ZNF804A: variants seen among roughly 807,000 people sequenced by gnomAD.
The protein encoded by ZNF804A is zinc finger protein 804A.
A neutral mutation model predicts 16.5 loss-of-function variants in ZNF804A; 2 were observed. The ratio of observed to expected loss-of-function variants is 0.12; its 90% confidence interval spans 0.05 to 0.38. The LOEUF (loss-of-function observed/expected upper bound fraction) is 0.38. ZNF804A is among the 10% of genes least tolerant of loss of function. The pLI, the probability that ZNF804A is intolerant of heterozygous loss-of-function variation, is 0.99. For missense variants in ZNF804A, 1,473 were observed against 1,390.7 expected (o/e 1.06, Z -0.94); for synonymous variants, 534 against 489.6 (o/e 1.09, Z -1.20).
chr2:184,805,350 A>G (rs1390372695), intron 1 of ZNF804A, among the ~76,000 whole-genome samples: 1 of 152,122 alleles, frequency 6.6e-6, no homozygotes, highest in Admixed American at 6.5e-5. Context: ...TTAACTTACA[A>G]ATGATATAAT....
intron 2 of ZNF804A, among the ~76,000 whole-genome samples, chr2:184,870,313 T>C (rs543550401): frequency 6.6e-6 from 1 of 152,158 alleles, no homozygotes; most frequent in Non-Finnish European, 1.5e-5. Flanking sequence ...TAGTGGTTAC[T>C]TCAAGGGGTG....
intron 1 of ZNF804A, among the ~76,000 whole-genome samples, chr2:184,756,875 T>G (rs1693966864): frequency 6.6e-6 from 1 of 152,090 alleles, no homozygotes; most frequent in Admixed American, 6.6e-5. Context: ...ACTGATATGT[T>G]GAACACACCA....
chr2:184,891,760 CA>C (rs1384304588), intron 2 of ZNF804A, among the ~76,000 whole-genome samples: 2 of 152,062 alleles, frequency 1.3e-5, no homozygotes, highest in African/African-American at 4.8e-5. Flanking sequence ...TAACAATCGA[CA>C]AAGAATTAAC....
At chr2:184,629,489 T>C (rs1040169147) in intron 1 of ZNF804A, among the ~76,000 whole-genome samples, 2 of 152,274 alleles carry the variant, frequency 1.3e-5, no homozygotes, top group African/African-American at 4.8e-5. Flanking sequence ...TGTAATAAAC[T>C]AGATAGATGA....
chr2:184,860,833 G>A (rs763347817), intron 1 of ZNF804A, among the ~76,000 whole-genome samples: 2 of 152,202 alleles, frequency 1.3e-5, no homozygotes, highest in African/African-American at 2.4e-5. Flanking sequence ...AGCTGATGAA[G>A]GCCTAAAGCC....
At chr2:184,825,498 G>A (rs961884633) in intron 1 of ZNF804A, among the ~76,000 whole-genome samples, 2 of 151,826 alleles carry the variant, frequency 1.3e-5, no homozygotes, top group African/African-American at 2.4e-5. Flanking sequence ...GTGTGTGCAT[G>A]TGTGTGTGTG....
intron 1 of ZNF804A, among the ~76,000 whole-genome samples, chr2:184,745,027 GTT>G (rs1199520837): frequency 1.3e-5 from 2 of 151,662 alleles, no homozygotes; most frequent in African/African-American, 2.4e-5. Flanking sequence ...CTATTCAGTG[GTT>G]AAAAGTGCCT....
intron 1 of ZNF804A, among the ~76,000 whole-genome samples, chr2:184,648,357 A>G (rs1336157370): frequency 6.6e-6 from 1 of 152,156 alleles, no homozygotes; most frequent in Non-Finnish European, 1.5e-5. Context: ...CGCAATAGAA[A>G]CTCAAGACCA....
intron 1 of ZNF804A, among the ~76,000 whole-genome samples, chr2:184,795,701 A>T (rs1318431362): frequency 6.6e-6 from 1 of 152,124 alleles, no homozygotes; most frequent in Non-Finnish European, 1.5e-5. Context: ...AAGAAGAGAG[A>T]AAATCCAAAT....
intron 1 of ZNF804A, among the ~76,000 whole-genome samples, chr2:184,653,294 T>C (rs1006664759): frequency 6.6e-6 from 1 of 152,204 alleles, no homozygotes; most frequent in Non-Finnish European, 1.5e-5. Flanking sequence ...AAAACTTAAA[T>C]GTCTACATTT....
chr2:184,840,299 G>A (rs28624707), intron 1 of ZNF804A, among the ~76,000 whole-genome samples: 1,941 of 152,160 alleles, frequency 0.013, 42 homozygotes, highest in African/African-American at 0.045. Flanking sequence ...CAGAAGAATC[G>A]CTTGAACCTG....
intron 1 of ZNF804A, among the ~76,000 whole-genome samples, chr2:184,845,100 G>T (rs1204552560): frequency 1.3e-5 from 2 of 151,664 alleles, no homozygotes; most frequent in Non-Finnish European, 2.9e-5. Flanking sequence ...TATATAACTT[G>T]TGTATTCTTG....
At chr2:184,912,059 A>G (rs1378281134) in intron 2 of ZNF804A, among the ~76,000 whole-genome samples, 2 of 151,990 alleles carry the variant, frequency 1.3e-5, no homozygotes, top group Non-Finnish European at 2.9e-5. Context: ...AATCAGCGAC[A>G]GTACATTTAC....
chr2:184,816,483 A>C (rs1694985203), intron 1 of ZNF804A, among the ~76,000 whole-genome samples: 1 of 151,972 alleles, frequency 6.6e-6, no homozygotes, highest in Non-Finnish European at 1.5e-5. Flanking sequence ...GAAAGTTCTA[A>C]CTCTTAAGCT....
At chr2:184,809,761 T>C (rs1298207605) in intron 1 of ZNF804A, among the ~76,000 whole-genome samples, 1 of 152,028 alleles carries the variant, frequency 6.6e-6, no homozygotes, top group East Asian at 1.9e-4. Context: ...TATGTATTTA[T>C]ATGTGTATAT....
chr2:184,715,256 A>C (rs983063215), intron 1 of ZNF804A, among the ~76,000 whole-genome samples: 1 of 152,204 alleles, frequency 6.6e-6, no homozygotes, highest in East Asian at 1.9e-4. Flanking sequence ...TGACACAGAC[A>C]TAAGTTATTG....
chr2:184,814,906 AT>A (rs1178795956), intron 1 of ZNF804A, among the ~76,000 whole-genome samples: 1 of 152,020 alleles, frequency 6.6e-6, no homozygotes, highest in African/African-American at 2.4e-5. Flanking sequence ...AGGGCCTGAC[AT>A]TTTTAAATAC....
At chr2:184,894,108 T>C (rs1407493116) in intron 2 of ZNF804A, among the ~76,000 whole-genome samples, 1 of 152,178 alleles carries the variant, frequency 6.6e-6, no homozygotes, top group African/African-American at 2.4e-5. Context: ...CATGTTTTGA[T>C]ATTAACAAGG....
intron 1 of ZNF804A, among the ~76,000 whole-genome samples, chr2:184,763,162 C>T (rs1035159052): frequency 3.3e-5 from 5 of 152,140 alleles, no homozygotes; most frequent in East Asian, 1.9e-4. Context: ...ATCGTGTCCC[C>T]AAAAAGATAT....
Sources: allele counts gnomAD v4.1 joint callset (sites outside exome capture counted in the v4.1 genomes callset), GRCh38; gene constraint gnomAD v4.1.1; transcripts MANE v1.5; gene names NCBI Gene and HGNC (gene_info 2026-07-23, HGNC 2026-07-21).